The following EXOC7 variants were observed in gnomAD, a reference collection of about 807,000 sequenced individuals.
The protein encoded by EXOC7 is exocyst complex component 7, also known as exocyst complex component Exo70.
EXOC7 carries 51 observed loss-of-function variants against 87.6 expected under a neutral mutation model. The ratio of observed to expected loss-of-function variants is 0.58; its 90% CI spans 0.46 to 0.73. The LOEUF (loss-of-function observed/expected upper bound fraction) is 0.73, where lower values mean the gene tolerates loss of function less well. Ranked by LOEUF, EXOC7 falls within the 30% of genes least tolerant of loss-of-function variation. EXOC7 has a pLI of 0.00. For synonymous variants in EXOC7, 327 were observed against 357.1 expected (o/e 0.92, Z 0.95); for missense variants, 744 against 888.4 (o/e 0.84, Z 2.07).
rs770466836 is a variant in EXOC7 at position 76,103,665 on chromosome 17, G to T, written c.28C>A (p.Arg10=). The change falls in exon 1 of 19, where the codon CGA becomes AGA. Residue 10 remains arginine, a synonymous_variant. Transcript: ENST00000589210. MIPPQEASA[R]RREIEDKLKQ... ...AGCTTGTCCTCAATCTCCCGCCGTC[G>T]AGCGGATGCCTCCTGTGGGGGAATC... The T allele has an allele frequency of 6.2e-7, 1 of 1,613,170 alleles. No individual in the cohort carries two copies. The highest frequency in any genetic ancestry group is 8.5e-7 in the Non-Finnish European group (1 of 1,179,686).
At position 76,101,829 on chromosome 17, in the gene EXOC7, A is replaced by C; in HGVS notation, c.161T>G (p.Met54Arg). The C allele has an allele frequency of 6.2e-7, 1 of 1,613,946 alleles. No individual in the cohort carries two copies. The highest frequency in any genetic ancestry group is 8.5e-7 in the Non-Finnish European group (1 of 1,179,952). Residue 54 changes from methionine to arginine, a missense_variant, in exon 3 of 19, where the codon ATG (methionine) becomes AGG (arginine). Around this residue, in one of 3 missense-constraint regions of EXOC7, gnomAD observed 512 missense variants for 573.0 expected, o/e 0.89. Transcript: ENST00000589210. ...SILSSFESRL[M>R]KLENSIIPVH... is the part of the protein sequence containing the mutation. ...AGGGATGATGGAGTTCTCCAGCTTCATAAGGCGGCTCTCAAAGGATGATAA... is the reference window on the plus strand; with the variant it reads ...AGGGATGATGGAGTTCTCCAGCTTCCTAAGGCGGCTCTCAAAGGATGATAA...
chr17:76,102,781 G>A (rs1442952411), intron 2 of EXOC7, among the ~76,000 whole-genome samples: 1 of 152,170 alleles, frequency 6.6e-6, no homozygotes, highest in Non-Finnish European at 1.5e-5. Flanking sequence ...CACTGTGCAA[G>A]ATGCAGTCGC....
intron 1 of EXOC7, 73 bp from the exon 2 acceptor site, chr17:76,103,499 G>T: frequency 6.4e-7 from 1 of 1,552,684 alleles, no homozygotes. Flanking sequence ...CAACCCCACG[G>T]CCTAGCCCCC....
Position 76,086,369 on chromosome 17 carries a change from C to T in EXOC7, c.1430-224G>A, listed in dbSNP as rs546709999. Among the ~76,000 whole-genome samples the T allele has an allele frequency of 1.6e-4, 24 of 152,300 alleles. 1 individual carries two copies. The South Asian group carries it at 5.0e-3, about 32-fold the overall frequency. On this transcript the variant is annotated intron_variant, in intron 12 of 18. Coordinates refer to ENST00000589210, the MANE Select transcript of EXOC7 (RefSeq NM_001013839.4). ...CCCTCTATGATGGGATGGAGCTGGC[C>T]CATGTCAGCAGAAAAGCTGGCAGGA...
In EXOC7 at chr17:76,088,861, A is replaced by G. The variant is rs2067337203; in HGVS notation, c.1110T>C (p.Ile370=). Residue 370 remains isoleucine (I), a synonymous_variant, in exon 9 of 19, where the codon ATT becomes ATC. Transcript: ENST00000589210. ...ENIVSAARKA[I]VRHDFSTVLT... is the part of the protein sequence containing the mutation. ...GCACCGTGGAGAAGTCGTGTCGCAC[A>G]ATGGCCTTCCGGGCAGCAGACACGA... The G allele has an allele frequency of 3.1e-6, 5 of 1,613,872 alleles. No individual in the cohort carries two copies. Among genetic ancestry groups the G allele is most frequent in the Non-Finnish European group, 4.2e-6 (5 of 1,180,022 alleles).
At chr17:76,084,369 G>C (rs2067113754) in intron 16 of EXOC7, 80 bp from the exon 17 acceptor site, 3 of 1,596,862 alleles carry the variant, frequency 1.9e-6, no homozygotes, top group Non-Finnish European at 8.6e-7. Context: ...AAACACCCTT[G>C]GTCTGGGCCT....
chr17:76,096,099 T>G (rs1434320548), intron 5 of EXOC7, among the ~76,000 whole-genome samples: 3 of 152,156 alleles, frequency 2.0e-5, no homozygotes, highest in Non-Finnish European at 4.4e-5. Flanking sequence ...CACAACGTGT[T>G]CATGTGATCA....
intron 2 of EXOC7, 38 bp from the exon 3 acceptor site, chr17:76,101,901 T>G: frequency 9.0e-6 from 14 of 1,563,744 alleles, no homozygotes; most frequent in Non-Finnish European, 1.2e-5. Context: ...GGACTCACAG[T>G]GGTCCCAGCA....
At chr17:76,094,376 T>C in intron 6 of EXOC7, 38 bp downstream of exon 6, 2 of 1,595,444 alleles carry the variant, frequency 1.3e-6, no homozygotes, top group South Asian at 1.1e-5. Flanking sequence ...CCAGTCAGCC[T>C]CTGGCTGTTG....
rs1598355185 is a variant in EXOC7 at position 76,103,052 on chromosome 17, G to A, written c.126+309C>T. On this transcript the variant is annotated intron_variant, in intron 2 of 18. Transcript: ENST00000589210. The stretch of plus-strand genomic sequence containing the variant: ...AGAGAGTCCACTGACAATGACATAT[G>A]CCCAGTACCTAGCCCAACTGGTCAG... 4 of 399,616 alleles carry A rather than the reference G, an allele frequency of 1.0e-5. No homozygotes were observed. In the East Asian group the frequency reaches 2.3e-4, roughly 23 times the overall value. The allele number at this position is 399,616 out of a possible 1,614,324, so 24.8% of individuals were successfully genotyped here.
chr17:76,096,836 A>G (rs2067782450), intron 5 of EXOC7, among the ~76,000 whole-genome samples: 1 of 152,114 alleles, frequency 6.6e-6, no homozygotes. Flanking sequence ...GATTACAGGC[A>G]TGAGCCACTG....
chr17:76,096,809 G>GC (rs2067780484), intron 5 of EXOC7, among the ~76,000 whole-genome samples: 1 of 152,008 alleles, frequency 6.6e-6, no homozygotes, highest in Non-Finnish European at 1.5e-5. Flanking sequence ...GCCCACCTTG[G>GC]CCCCCCAAAG....
Position 76,081,054 on chromosome 17 carries a change from C to T in EXOC7, c.*2594G>A. On this transcript the variant is annotated 3_prime_UTR_variant, in exon 19 of 19. Transcript: ENST00000589210. ...AGTACATTTATTTTTACAATGAAAG[C>T]TCATCTATGAATCTGATAAAGGCCT... 3.7e-6 allele frequency: 2 copies of T among 536,792 alleles called. No homozygotes were observed. Among genetic ancestry groups the T allele is most frequent in the Non-Finnish European group, 6.7e-6 (2 of 297,240 alleles). 33.3% of individuals were successfully genotyped at this position (536,792 alleles called of 1,614,324 possible). A position where few individuals can be genotyped will look rare whatever the true frequency, so the allele number is the denominator to read the frequency against.
In EXOC7 at chr17:76,083,552, G is replaced by C; in HGVS notation, c.*96C>G. On this transcript the variant is annotated 3_prime_UTR_variant, in exon 19 of 19. Transcript: ENST00000589210. ...GTGGAGACAGGTCTCTGTCCCAGAG[G>C]ACTTCAAGCTCACCCAGCCCAGAGG... 9.1e-6 allele frequency: 11 copies of C among 1,210,210 alleles called. No individual in the cohort carries two copies. The South Asian group carries it at 1.4e-4, about 15-fold the overall frequency. 75.0% of individuals were successfully genotyped at this position (1,210,210 alleles called of 1,614,324 possible). A position where few individuals can be genotyped will look rare whatever the true frequency, so the allele number is the denominator to read the frequency against.
rs150608466 is a variant in EXOC7, at chr17:76,085,155, T to C, written c.1712+159A>G. On this transcript the variant is annotated intron_variant, in intron 15 of 18. Transcript: ENST00000589210. ...AGGTAGTGGTAGAGGAGGGGGCTTC[T>C]CTCTCCACCCCGTGAGTTTGATTAG... The C allele has an allele frequency of 1.7e-3, 1,128 of 654,960 alleles. 3 individuals are homozygous for C. Among genetic ancestry groups the C allele is most frequent in the Middle Eastern group, 4.2e-3 (10 of 2,378 alleles). The allele number at this position is 654,960 out of a possible 1,614,324, so 40.6% of individuals were successfully genotyped here. A position where few individuals can be genotyped will look rare whatever the true frequency, so the allele number is the denominator to read the frequency against.
chr17:76,100,113 T>C (rs942335256), intron 4 of EXOC7, among the ~76,000 whole-genome samples: 6 of 149,228 alleles, frequency 4.0e-5, no homozygotes, highest in East Asian at 1.9e-4. Context: ...AAGATAATAA[T>C]GCAAAAAAAA....
chr17:76,084,666 A>G, intron 15 of EXOC7, 86 bp from the exon 16 acceptor site: 1 of 1,214,046 alleles, frequency 8.2e-7, no homozygotes, highest in Non-Finnish European at 1.2e-6. Context: ...CTCTGGATCT[A>G]CTTGGTGGGT....
intron 4 of EXOC7, among the ~76,000 whole-genome samples, chr17:76,100,752 C>T (rs978538557): frequency 2.6e-5 from 4 of 152,172 alleles, no homozygotes; most frequent in South Asian, 2.1e-4. Context: ...CAGGCCAAGG[C>T]GGGGGATCAT....
At chr17:76,103,149 A>C in intron 2 of EXOC7, 2 of 583,864 alleles carry the variant, frequency 3.4e-6, no homozygotes, top group Non-Finnish European at 3.1e-6. Flanking sequence ...AGTCCAGGCC[A>C]GTGGGAAGTG....
Sources: allele counts gnomAD v4.1 joint callset (sites outside exome capture counted in the v4.1 genomes callset), GRCh38; gene constraint gnomAD v4.1.1; regional missense constraint gnomAD v4.1.1; transcripts MANE v1.5; gene names NCBI Gene and HGNC (gene_info 2026-07-23, HGNC 2026-07-21).